AMBRA1: variants seen among roughly 807,000 people sequenced by gnomAD.
AMBRA1 encodes the protein autophagy and beclin 1 regulator 1.
In AMBRA1, 47 loss-of-function variants were observed where a neutral mutation model predicts 125.4. That is an observed-to-expected ratio of 0.37 (90% CI 0.30 to 0.48). AMBRA1 has a LOEUF of 0.48. Among genes scored for constraint, AMBRA1 ranks in the 20% least tolerant of loss-of-function variants. The probability of loss-of-function intolerance (pLI) is 0.99; values close to 1 mark genes in which losing one functional copy is unlikely to be tolerated. For synonymous variants in AMBRA1, 626 were observed against 655.5 expected, an observed-to-expected ratio of 0.95 and a Z score of 0.69; for missense variants, 1,331 against 1,693.4, an observed-to-expected ratio of 0.79 and a Z score of 3.76.
Position 46,495,475 on chromosome 11 carries a change from G to C in AMBRA1, c.2340-1271C>G, listed in dbSNP as rs150499438. The stretch of plus-strand genomic sequence containing the variant: ...CAGGGATATTGGAAGCTGATCCATT[G>C]AAAGTATTTGGTTTTTATTTTCCCA... On this transcript the variant is annotated intron_variant, in intron 9 of 17. Transcript: ENST00000683756. 3.3e-5 allele frequency: 5 copies of C among 152,338 alleles called. No individual in the cohort carries two copies. The East Asian group carries it at 9.6e-4, about 29-fold the overall frequency. The allele number at this position is 152,338 out of a possible 1,614,324, so 9.4% of individuals were successfully genotyped here.
At chr11:46,509,833 A>G (rs2135043690) in intron 8 of AMBRA1, among the ~76,000 whole-genome samples, 1 of 152,316 alleles carries the variant, frequency 6.6e-6, no homozygotes, top group South Asian at 2.1e-4. Context: ...TTTGAATATA[A>G]AAGGAAAAGG....
intron 7 of AMBRA1, among the ~76,000 whole-genome samples, chr11:46,517,474 T>G (rs866254294): frequency 1.1e-4 from 15 of 140,658 alleles, no homozygotes; most frequent in African/African-American, 4.1e-4. Context: ...AATAAGGTTT[T>G]TTTTTTTTTT....
intron 7 of AMBRA1, among the ~76,000 whole-genome samples, chr11:46,522,210 T>A (rs1349742874): frequency 6.6e-6 from 1 of 152,302 alleles, no homozygotes; most frequent in East Asian, 1.9e-4. Flanking sequence ...TGGTGGGTAG[T>A]TATTTTTAAT....
chr11:46,491,624 G>C (rs1269014104), intron 11 of AMBRA1, among the ~76,000 whole-genome samples: 1 of 152,166 alleles, frequency 6.6e-6, no homozygotes, highest in Non-Finnish European at 1.5e-5. Context: ...AAAATTGGTA[G>C]AAACTAGTTT....
chr11:46,562,845 C>T (rs1345594440), intron 1 of AMBRA1, among the ~76,000 whole-genome samples: 7 of 150,718 alleles, frequency 4.6e-5, no homozygotes, highest in Non-Finnish European at 1.0e-4. Context: ...TTGTTGCCCA[C>T]GCTGGAGTGC....
intron 11 of AMBRA1, among the ~76,000 whole-genome samples, chr11:46,448,118 G>A (rs1805926654): frequency 1.3e-5 from 2 of 152,178 alleles, no homozygotes; most frequent in South Asian, 4.1e-4. Flanking sequence ...TGTTTAATCT[G>A]AAGATTAAAA....
At chr11:46,538,051 T>C (rs1264301219) in intron 7 of AMBRA1, among the ~76,000 whole-genome samples, 1 of 152,194 alleles carries the variant, frequency 6.6e-6, no homozygotes, top group Non-Finnish European at 1.5e-5. Context: ...GGTTGGCTCA[T>C]CACCTAGAGA....
chr11:46,505,268 T>G (rs907487793), intron 9 of AMBRA1, among the ~76,000 whole-genome samples: 2 of 152,220 alleles, frequency 1.3e-5, no homozygotes, highest in Non-Finnish European at 2.9e-5. Context: ...TGCTGGTACA[T>G]TCCTTCTTTG....
At chr11:46,452,409 T>C (rs1263808638) in intron 11 of AMBRA1, among the ~76,000 whole-genome samples, 1 of 152,112 alleles carries the variant, frequency 6.6e-6, no homozygotes, top group Non-Finnish European at 1.5e-5. Context: ...CTTGAACTCC[T>C]GGCCCTTAAG....
At chr11:46,463,603 A>G (rs1320923865) in intron 11 of AMBRA1, among the ~76,000 whole-genome samples, 1 of 152,204 alleles carries the variant, frequency 6.6e-6, no homozygotes, top group Admixed American at 6.5e-5. Context: ...TCAATTTGTT[A>G]ACTAGGACTC....
intron 7 of AMBRA1, among the ~76,000 whole-genome samples, chr11:46,536,737 A>T (rs1448525597): frequency 2.0e-5 from 3 of 152,210 alleles, no homozygotes; most frequent in African/African-American, 7.2e-5. Flanking sequence ...TGGCCCACGA[A>T]GCCTCAAAGG....
intron 11 of AMBRA1, among the ~76,000 whole-genome samples, chr11:46,485,712 G>A (rs1299078659): frequency 6.6e-6 from 1 of 152,140 alleles, no homozygotes; most frequent in Non-Finnish European, 1.5e-5. Flanking sequence ...AAGATCAAGA[G>A]GAAATTTCCT....
intron 11 of AMBRA1, among the ~76,000 whole-genome samples, chr11:46,463,178 C>T (rs1334785651): frequency 6.6e-6 from 1 of 152,198 alleles, no homozygotes; most frequent in Non-Finnish European, 1.5e-5. Flanking sequence ...CAATTTCCTG[C>T]CCTCTGCAGG....
intron 14 of AMBRA1, among the ~76,000 whole-genome samples, chr11:46,429,897 C>A (rs1947368917): frequency 6.6e-6 from 1 of 151,990 alleles, no homozygotes; most frequent in Non-Finnish European, 1.5e-5. Flanking sequence ...AAAGCCCTCT[C>A]TGGCTCAAGC....
At chr11:46,569,428 T>TAAAAAA (rs60592464) in intron 1 of AMBRA1, among the ~76,000 whole-genome samples, 1 of 127,072 alleles carries the variant, frequency 7.9e-6, no homozygotes, top group African/African-American at 3.0e-5. Flanking sequence ...ACTGAGAGAT[T>TAAAAAA]AAAAAAAAAA....
chr11:46,501,818 C>T (rs1282167454), intron 9 of AMBRA1, among the ~76,000 whole-genome samples: 1 of 152,110 alleles, frequency 6.6e-6, no homozygotes, highest in Non-Finnish European at 1.5e-5. Context: ...GTTTTTGTAG[C>T]CAGAAATATG....
intron 11 of AMBRA1, among the ~76,000 whole-genome samples, chr11:46,488,718 T>C (rs1950351901): frequency 6.6e-6 from 1 of 152,086 alleles, no homozygotes; most frequent in Admixed American, 6.5e-5. Context: ...ATAAAACAAG[T>C]TCCAATAAAA....
intron 17 of AMBRA1, 29 bp from the exon 18 acceptor site, chr11:46,397,972 G>A (rs775108633): frequency 1.2e-5 from 19 of 1,555,958 alleles, no homozygotes; most frequent in East Asian, 6.8e-5. Context: ...AAGAGAGAGC[G>A]AATTGGCTGC....
chr11:46,488,990 C>T (rs899895403), intron 11 of AMBRA1, among the ~76,000 whole-genome samples: 67 of 152,266 alleles, frequency 4.4e-4, no homozygotes, highest in African/African-American at 1.6e-3. Context: ...GCAAGCTCCG[C>T]CTCCCAGGTT....
Sources: allele counts gnomAD v4.1 joint callset (sites outside exome capture counted in the v4.1 genomes callset), GRCh38; gene constraint gnomAD v4.1.1; transcripts MANE v1.5; gene names NCBI Gene and HGNC (gene_info 2026-07-23, HGNC 2026-07-21).